The following ADAMTS12 variants were observed in gnomAD, a reference collection of about 807,000 sequenced individuals.
ADAMTS12 encodes A disintegrin and metalloproteinase with thrombospondin motifs 12.
ADAMTS12 carries 118 observed loss-of-function variants against 167.8 expected under a neutral mutation model. The observed-to-expected ratio is 0.70, with a 90% CI of 0.61 to 0.82. The LOEUF is 0.82. ADAMTS12 is among the 40% of genes least tolerant of loss of function. The pLI is 0.00. For missense variants in ADAMTS12, 1,916 were observed against 1,998.8 expected (o/e 0.96, Z 0.79); for synonymous variants, 704 against 716.9 (o/e 0.98, Z 0.29).
chr5:33,610,861 G>A (rs904261459), intron 16 of ADAMTS12, among the ~76,000 whole-genome samples: 1 of 152,310 alleles, frequency 6.6e-6, no homozygotes, highest in African/African-American at 2.4e-5. Context: ...GAGGTTGGGA[G>A]TTTGAGACCA....
intron 3 of ADAMTS12, among the ~76,000 whole-genome samples, chr5:33,705,064 C>T (rs140649530): frequency 2.2e-4 from 34 of 151,832 alleles, no homozygotes; most frequent in African/African-American, 8.2e-4. Flanking sequence ...TGTCTACCAG[C>T]CTTCCTCCGA....
At chr5:33,796,155 T>C (rs757936114) in intron 2 of ADAMTS12, among the ~76,000 whole-genome samples, 1 of 152,214 alleles carries the variant, frequency 6.6e-6, no homozygotes, top group Non-Finnish European at 1.5e-5. Flanking sequence ...GAATGTGCCA[T>C]GCAGGACTGC....
At chr5:33,871,389 C>T (rs1331528692) in intron 2 of ADAMTS12, among the ~76,000 whole-genome samples, 1 of 151,944 alleles carries the variant, frequency 6.6e-6, no homozygotes, top group Non-Finnish European at 1.5e-5. Flanking sequence ...CAGACACAAA[C>T]AGTACTGAAA....
At chr5:33,854,808 A>C (rs1010354604) in intron 2 of ADAMTS12, among the ~76,000 whole-genome samples, 3 of 152,200 alleles carry the variant, frequency 2.0e-5, no homozygotes, top group African/African-American at 7.2e-5. Flanking sequence ...CCCCATTCCA[A>C]AGTCTCATGT....
chr5:33,809,718 G>A (rs192670786), intron 2 of ADAMTS12, among the ~76,000 whole-genome samples: 1 of 152,034 alleles, frequency 6.6e-6, no homozygotes, highest in Non-Finnish European at 1.5e-5. Context: ...GGGTTCTAGG[G>A]CAAAAAGAAA....
intron 2 of ADAMTS12, among the ~76,000 whole-genome samples, chr5:33,781,121 G>C (rs1746109490): frequency 2.0e-5 from 3 of 152,022 alleles, no homozygotes; most frequent in African/African-American, 4.8e-5. Flanking sequence ...TATTCTTTCA[G>C]ACTTTATGCT....
chr5:33,831,200 A>G (rs1363880), intron 2 of ADAMTS12, among the ~76,000 whole-genome samples: 103,591 of 152,146 alleles, frequency 0.68, 37,061 homozygotes, highest in Non-Finnish European at 0.79. Context: ...CATGCTACAG[A>G]TATTAACTCA....
intron 2 of ADAMTS12, among the ~76,000 whole-genome samples, chr5:33,779,774 C>T (rs1204855278): frequency 6.6e-6 from 1 of 152,018 alleles, no homozygotes; most frequent in African/African-American, 2.4e-5. Context: ...AACAGTTGAA[C>T]TTATAGGAGA....
chr5:33,596,147 T>G lies in ADAMTS12; in HGVS notation c.2528-87A>C, dbSNP rs1395780681. 3.3e-6 allele frequency: 5 copies of G among 1,496,450 alleles called. No individual in the cohort carries two copies. The Admixed American group carries it at 9.8e-5, about 29-fold the overall frequency. 92.7% of individuals were successfully genotyped at this position (1,496,450 alleles called of 1,614,324 possible). ...GTGAGGTACCTGACCACGTCAACGA[T>G]CATGCTGACGGCTGATGGGAAAGTT... On this transcript the variant is annotated intron_variant, in intron 16 of 23. Coordinates refer to ENST00000504830, the MANE Select transcript of ADAMTS12 (RefSeq NM_030955.4).
chr5:33,669,993 A>C (rs1741615265), intron 5 of ADAMTS12, among the ~76,000 whole-genome samples: 1 of 152,140 alleles, frequency 6.6e-6, no homozygotes. Flanking sequence ...AATAAAAGGA[A>C]GAATTGATAA....
chr5:33,791,995 C>CT (rs746021718), intron 2 of ADAMTS12, among the ~76,000 whole-genome samples: 14,188 of 119,248 alleles, frequency 0.12, 1,390 homozygotes, highest in East Asian at 0.37. Flanking sequence ...TGCTTTCACA[C>CT]TTTTTTTTTT....
rs1743684704 is a variant in ADAMTS12, at chr5:33,523,753, G to GT, written c.*3434dup. 6.6e-6 allele frequency: 1 copy of GT among 152,142 alleles called. No homozygotes were observed. The highest frequency in any genetic ancestry group is 2.1e-4 in the South Asian group (1 of 4,824). The allele number at this position is 152,142 out of a possible 1,614,324, so 9.4% of individuals were successfully genotyped here. A position where few individuals can be genotyped will look rare whatever the true frequency, so the allele number is the denominator to read the frequency against. ...GGTAGGATTGTGCTTTACCCACCAT[G>GT]TTTTTTAGTAACATAACTTAGAATA... On this transcript the variant is annotated 3_prime_UTR_variant, in exon 24 of 24. Transcript: ENST00000504830.
intron 2 of ADAMTS12, among the ~76,000 whole-genome samples, chr5:33,856,586 A>G (rs1331001928): frequency 6.6e-6 from 1 of 151,754 alleles, no homozygotes; most frequent in Non-Finnish European, 1.5e-5. Flanking sequence ...GTGAGACCCC[A>G]TCTCTAAATT....
intron 20 of ADAMTS12, 128 bp downstream of exon 20, chr5:33,560,899 C>T: frequency 2.4e-6 from 3 of 1,240,556 alleles, no homozygotes; most frequent in Non-Finnish European, 3.3e-6. Flanking sequence ...TGCACATGTA[C>T]CCTAGAACTT....
At chr5:33,627,448 G>A (rs1739715638) in intron 13 of ADAMTS12, among the ~76,000 whole-genome samples, 1 of 149,620 alleles carries the variant, frequency 6.7e-6, no homozygotes, top group South Asian at 2.1e-4. Context: ...ATATGGTGGT[G>A]GTGATGGCAG....
At chr5:33,842,939 A>AT (rs983930928) in intron 2 of ADAMTS12, among the ~76,000 whole-genome samples, 1 of 152,180 alleles carries the variant, frequency 6.6e-6, no homozygotes, top group African/African-American at 2.4e-5. Flanking sequence ...AACTTCATAG[A>AT]TTTGTTATGA....
At chr5:33,607,227 C>A (rs1738492567) in intron 16 of ADAMTS12, among the ~76,000 whole-genome samples, 1 of 151,862 alleles carries the variant, frequency 6.6e-6, no homozygotes, top group Admixed American at 6.6e-5. Flanking sequence ...CAATGCAATG[C>A]AATGCAATGC....
At chr5:33,841,946 T>G (rs1486689612) in intron 2 of ADAMTS12, among the ~76,000 whole-genome samples, 1 of 152,172 alleles carries the variant, frequency 6.6e-6, no homozygotes, top group Non-Finnish European at 1.5e-5. Context: ...TACACAACCA[T>G]GAAATTCCAC....
chr5:33,795,340 G>T lies in ADAMTS12; in HGVS notation c.490-43792C>A, dbSNP rs1288055186. Among the ~76,000 whole-genome samples, 3 of 152,046 alleles carry T rather than the reference G, an allele frequency of 2.0e-5. 1 individual carries two copies. The highest frequency in any genetic ancestry group is 1.3e-4 in the Admixed American group (2 of 15,258). On this transcript the variant is annotated intron_variant, in intron 2 of 23. Transcript: ENST00000504830. Reference sequence around the variant, plus strand: ...ACCAACCCAGATAGAAATCCCTGTGGGAACAACAACAAAAAAGTGTTGCTC... The same window carrying T: ...ACCAACCCAGATAGAAATCCCTGTGTGAACAACAACAAAAAAGTGTTGCTC...
Sources: allele counts gnomAD v4.1 joint callset (sites outside exome capture counted in the v4.1 genomes callset), GRCh38; gene constraint gnomAD v4.1.1; transcripts MANE v1.5; gene names NCBI Gene and HGNC (gene_info 2026-07-23, HGNC 2026-07-21).